Variants in ERICH1 observed in about 807,000 individuals in gnomAD.
ERICH1 encodes the protein glutamate-rich protein 1.
Under a neutral mutation model 39.6 loss-of-function variants are expected in ERICH1, and 56 were observed. The ratio of observed to expected loss-of-function variants is 1.41; its 90% CI spans 1.14 to 1.77. The LOEUF (loss-of-function observed/expected upper bound fraction) is 1.77. ERICH1 is among the 40% of genes most tolerant of loss of function. The pLI is 0.00. For synonymous variants in ERICH1, 313 were observed against 223.6 expected (o/e 1.40, Z -3.57); for missense variants, 826 against 575.4 (o/e 1.44, Z -4.45).
chr8:681,661 G>T (rs935114666), intron 3 of ERICH1, among the ~76,000 whole-genome samples: 1 of 152,218 alleles, frequency 6.6e-6, no homozygotes, highest in Non-Finnish European at 1.5e-5. Context: ...GGTTCATTCA[G>T]ACAGACCTGT....
intron 1 of ERICH1, among the ~76,000 whole-genome samples, chr8:724,129 G>C (rs1480088029): frequency 6.6e-6 from 1 of 152,172 alleles, no homozygotes; most frequent in Non-Finnish European, 1.5e-5. Flanking sequence ...CTCACGCCAT[G>C]ACCGATCTGA....
At chr8:649,506 G>A (rs575436137) in intron 3 of ERICH1, among the ~76,000 whole-genome samples, 44 of 152,254 alleles carry the variant, frequency 2.9e-4, no homozygotes, top group South Asian at 6.2e-4. Context: ...TTGTGGAAAT[G>A]CTCAGAGCCC....
At chr8:698,813 C>T (rs1216057135) in intron 2 of ERICH1, among the ~76,000 whole-genome samples, 1 of 151,796 alleles carries the variant, frequency 6.6e-6, no homozygotes, top group Non-Finnish European at 1.5e-5. Flanking sequence ...GGAAAAAGTG[C>T]TGGAGGCAAA....
At chr8:654,424 G>A (rs931103375) in intron 3 of ERICH1, among the ~76,000 whole-genome samples, 4 of 152,078 alleles carry the variant, frequency 2.6e-5, no homozygotes, top group Non-Finnish European at 5.9e-5. Context: ...TCCTCGAGGG[G>A]CTACGGTGCT....
intron 3 of ERICH1, among the ~76,000 whole-genome samples, chr8:657,926 G>A (rs1258438261): frequency 3.3e-5 from 5 of 152,126 alleles, no homozygotes; most frequent in African/African-American, 1.2e-4. Flanking sequence ...TGGCAGAGGT[G>A]GTTTGACTGG....
At chr8:715,113 CA>C (rs946200467) in intron 2 of ERICH1, among the ~76,000 whole-genome samples, 8 of 151,086 alleles carry the variant, frequency 5.3e-5, no homozygotes, top group African/African-American at 2.0e-4. Flanking sequence ...GTGTTACATC[CA>C]GGTGGTCTCT....
intron 3 of ERICH1, among the ~76,000 whole-genome samples, chr8:636,233 C>T (rs538667982): frequency 1.3e-5 from 2 of 152,362 alleles, no homozygotes; most frequent in Admixed American, 6.5e-5. Flanking sequence ...GGCCCTGAGC[C>T]GAGCTGGGCG....
In ERICH1 at chr8:709,512, C is replaced by G. The variant is rs117991973; in HGVS notation, c.169+6349G>C. Among the ~76,000 whole-genome samples the G allele has an allele frequency of 4.4e-3, 673 of 152,332 alleles. 1 individual carries two copies. The highest frequency in any genetic ancestry group is 6.9e-3 in the Non-Finnish European group (467 of 68,024). ...TGCACCCAACCTTCTCATTTGCTCCCTGGAAAAATAATCTTTTACCCTTTG... is the reference window on the plus strand; with the variant it reads ...TGCACCCAACCTTCTCATTTGCTCCGTGGAAAAATAATCTTTTACCCTTTG... On this transcript the variant is annotated intron_variant, in intron 2 of 5. Coordinates refer to ENST00000262109, the MANE Select transcript of ERICH1 (RefSeq NM_207332.3).
chr8:683,845 A>G (rs1806708194), intron 3 of ERICH1, among the ~76,000 whole-genome samples: 1 of 152,208 alleles, frequency 6.6e-6, no homozygotes, highest in African/African-American at 2.4e-5. Flanking sequence ...AATACTTACT[A>G]AACATGTGGC....
intron 1 of ERICH1, 78 bp downstream of exon 1, chr8:731,062 G>A (rs1563391392): frequency 3.7e-6 from 5 of 1,369,448 alleles, no homozygotes; most frequent in East Asian, 3.1e-5. Context: ...CCGGGGTCGG[G>A]GTCCCGAGTC....
chr8:642,975 C>T (rs530683856), intron 3 of ERICH1, among the ~76,000 whole-genome samples: 10 of 152,194 alleles, frequency 6.6e-5, no homozygotes, highest in Non-Finnish European at 1.3e-4. Context: ...CGCCGAGTCA[C>T]TTGTTGGAAC....
chr8:726,822 GCA>G (rs995077443), intron 1 of ERICH1, among the ~76,000 whole-genome samples: 2 of 151,198 alleles, frequency 1.3e-5, no homozygotes, highest in South Asian at 2.1e-4. Flanking sequence ...CACCACACAT[GCA>G]CAGACACAGA....
intron 5 of ERICH1, among the ~76,000 whole-genome samples, chr8:665,792 G>A (rs939634419): frequency 6.6e-6 from 1 of 152,196 alleles, no homozygotes; most frequent in South Asian, 2.1e-4. Flanking sequence ...TGCTGAGCCA[G>A]AGGAGAGGCA....
intron 3 of ERICH1, among the ~76,000 whole-genome samples, chr8:650,846 G>A (rs953708142): frequency 1.3e-5 from 2 of 152,260 alleles, no homozygotes; most frequent in African/African-American, 4.8e-5. Context: ...AACGATTCAT[G>A]GTGAAAGGTC....
At chr8:664,187 A>T (rs1039277740), downstream of ERICH1, 3 of 963,520 alleles carry the variant, frequency 3.1e-6, no homozygotes, top group Non-Finnish European at 3.7e-6. Context: ...AAAAAACTCA[A>T]CTATATTCAA....
At chr8:723,891 A>C (rs1817937449) in intron 1 of ERICH1, among the ~76,000 whole-genome samples, 1 of 152,220 alleles carries the variant, frequency 6.6e-6, no homozygotes, top group African/African-American at 2.4e-5. Flanking sequence ...ATAAAGGAAT[A>C]AACTGGTAAT....
intron 3 of ERICH1, chr8:686,533 C>A (rs1807434076): frequency 6.6e-6 from 1 of 152,346 alleles, no homozygotes; most frequent in African/African-American, 2.4e-5. Context: ...ACCCGGCACC[C>A]ACAGTCTTTA....
chr8:639,042 C>G (rs925426786), intron 3 of ERICH1, among the ~76,000 whole-genome samples: 2 of 152,218 alleles, frequency 1.3e-5, no homozygotes, highest in African/African-American at 2.4e-5. Context: ...AGCCGTCTCT[C>G]AAGCAGGCCT....
intron 2 of ERICH1, among the ~76,000 whole-genome samples, chr8:703,438 GGCC>G (rs1812597854): frequency 1.3e-5 from 2 of 152,282 alleles, no homozygotes; most frequent in South Asian, 4.1e-4. Flanking sequence ...GCTCCAGAGG[GGCC>G]GCCAAGGAGC....
Sources: allele counts gnomAD v4.1 joint callset (sites outside exome capture counted in the v4.1 genomes callset), GRCh38; gene constraint gnomAD v4.1.1; transcripts MANE v1.5; gene names NCBI Gene and HGNC (gene_info 2026-07-23, HGNC 2026-07-21).